The following PRORP variants were observed in gnomAD, a reference collection of about 807,000 sequenced individuals.
PRORP encodes mitochondrial ribonuclease P catalytic subunit.
Under a neutral mutation model 59.4 loss-of-function variants are expected in PRORP, and 51 were observed. The observed-to-expected ratio is 0.86, with a 90% CI of 0.69 to 1.08. The LOEUF (loss-of-function observed/expected upper bound fraction) is 1.08. PRORP is among the 50% of genes least tolerant of loss of function. The probability of loss-of-function intolerance (pLI) is 0.00; values close to 1 mark genes in which losing one functional copy is unlikely to be tolerated. For missense variants in PRORP, 646 were observed against 690.3 expected (o/e 0.94, Z 0.72); for synonymous variants, 231 against 245.6 (o/e 0.94, Z 0.55).
chr14:35,267,704 C>G (rs1266587438), intron 6 of PRORP, among the ~76,000 whole-genome samples: 2 of 152,000 alleles, frequency 1.3e-5, no homozygotes, highest in African/African-American at 2.4e-5. Context: ...TGGCGTGAAC[C>G]CGGGAGGCGG....
chr14:35,134,814 C>T (rs992604817), intron 4 of PRORP, among the ~76,000 whole-genome samples: 1 of 152,190 alleles, frequency 6.6e-6, no homozygotes, highest in South Asian at 2.1e-4. Flanking sequence ...ATGCCCCTAC[C>T]AGTCCACTGG....
chr14:35,185,048 A>T (rs2139057188), intron 5 of PRORP, among the ~76,000 whole-genome samples: 1 of 152,230 alleles, frequency 6.6e-6, no homozygotes, highest in African/African-American at 2.4e-5. Flanking sequence ...CAGTAATGGG[A>T]TTGCTGGGTT....
Position 35,274,178 on chromosome 14 carries a change from T to A in PRORP, c.*612T>A, listed in dbSNP as rs1594368181. On this transcript the variant is annotated 3_prime_UTR_variant, in exon 8 of 8. Coordinates refer to ENST00000534898, the MANE Select transcript of PRORP (RefSeq NM_014672.4). ...TTTTTTTGGAAATAGAGTCTCAACT[T>A]ACTCTGTCGCCAGGGCTGGAGTGCA... 2 of 152,288 alleles carry A rather than the reference T, an allele frequency of 1.3e-5. No homozygotes were observed. Among genetic ancestry groups the A allele is most frequent in the East Asian group, 3.9e-4 (2 of 5,180 alleles). 9.4% of individuals were successfully genotyped at this position (152,288 alleles called of 1,614,324 possible). A position where few individuals can be genotyped will look rare whatever the true frequency, so the allele number is the denominator to read the frequency against.
At chr14:35,214,438 GCTT>G (rs2049533322) in intron 5 of PRORP, among the ~76,000 whole-genome samples, 1 of 152,174 alleles carries the variant, frequency 6.6e-6, no homozygotes, top group Non-Finnish European at 1.5e-5. Flanking sequence ...TGATTTATAT[GCTT>G]ATCTTCTGTT....
chr14:35,205,613 T>C (rs2049273022), intron 5 of PRORP, among the ~76,000 whole-genome samples: 1 of 151,920 alleles, frequency 6.6e-6, no homozygotes, highest in Admixed American at 6.5e-5. Flanking sequence ...TGACCCACCA[T>C]ACCCAGTGAT....
chr14:35,216,576 G>A (rs1468975868), intron 5 of PRORP, among the ~76,000 whole-genome samples: 3 of 151,910 alleles, frequency 2.0e-5, no homozygotes, highest in Admixed American at 2.0e-4. Context: ...CTACTTTTTG[G>A]CTATCATGAA....
chr14:35,261,046 G>A (rs1404452266), intron 5 of PRORP, among the ~76,000 whole-genome samples: 1 of 152,158 alleles, frequency 6.6e-6, no homozygotes, highest in African/African-American at 2.4e-5. Flanking sequence ...ATCTACTGAT[G>A]TTATTTTACC....
chr14:35,243,600 A>G (rs957114923), intron 5 of PRORP, among the ~76,000 whole-genome samples: 3 of 152,126 alleles, frequency 2.0e-5, no homozygotes, highest in Admixed American at 1.3e-4. Flanking sequence ...AGGAGTTAAA[A>G]TTGAGAGTTA....
chr14:35,244,850 G>A (rs1221221515), intron 5 of PRORP, among the ~76,000 whole-genome samples: 1 of 152,112 alleles, frequency 6.6e-6, no homozygotes, highest in Non-Finnish European at 1.5e-5. Flanking sequence ...CCTGACTTCT[G>A]TGTAAATAAT....
At chr14:35,225,567 G>A (rs187121435) in intron 5 of PRORP, among the ~76,000 whole-genome samples, 4 of 152,032 alleles carry the variant, frequency 2.6e-5, no homozygotes, top group South Asian at 4.2e-4. Flanking sequence ...GGCTGGTCTC[G>A]AACTCCTGAG....
At position 35,123,665 on chromosome 14, in the gene PRORP, C is replaced by T. The variant is rs762093457; in HGVS notation, c.420C>T (p.Phe140=). The part of the protein sequence containing the change: ...DLKENTGKTS[F]ESWIISQMAG... Reference sequence around the variant, plus strand: ...AAGAAAACACCGGAAAGACCAGTTTCGAAAGTTGGATCATTTCACAGATGG... The same window carrying T: ...AAGAAAACACCGGAAAGACCAGTTTTGAAAGTTGGATCATTTCACAGATGG... Residue 140 remains phenylalanine, a synonymous_variant, in exon 2 of 8, where the codon TTC becomes TTT. Coordinates refer to ENST00000534898, the MANE Select transcript of PRORP (RefSeq NM_014672.4). 3.1e-6 allele frequency: 5 copies of T among 1,614,054 alleles called. No homozygotes were observed. The highest frequency in any genetic ancestry group is 4.5e-5 in the East Asian group (2 of 44,900).
intron 4 of PRORP, among the ~76,000 whole-genome samples, chr14:35,165,989 G>A (rs1437525443): frequency 6.6e-6 from 1 of 151,884 alleles, no homozygotes; most frequent in African/African-American, 2.4e-5. Context: ...CAAAAAGTAG[G>A]TATTTTTTAA....
rs2050262432 is a variant in PRORP, at chr14:35,237,984, T to TC, written c.1276-28742dup. Among the ~76,000 whole-genome samples the TC allele has an allele frequency of 2.0e-5, 3 of 151,996 alleles. No homozygotes were observed. The South Asian group carries it at 6.2e-4, about 32-fold the overall frequency. On this transcript the variant is annotated intron_variant, in intron 5 of 7. Coordinates refer to ENST00000534898, the MANE Select transcript of PRORP (RefSeq NM_014672.4). ...TTTTTAAATTAGATATAATATCTGT[T>TC]CATTAAGTCAAACAAACAAAACTCT...
intron 5 of PRORP, among the ~76,000 whole-genome samples, chr14:35,210,257 G>A (rs2049404402): frequency 6.6e-6 from 1 of 152,106 alleles, no homozygotes; most frequent in Non-Finnish European, 1.5e-5. Context: ...CCTATAAAGT[G>A]CAAACTCAGT....
At chr14:35,160,303 C>T (rs575458130) in intron 4 of PRORP, among the ~76,000 whole-genome samples, 53 of 152,318 alleles carry the variant, frequency 3.5e-4, no homozygotes, top group African/African-American at 1.3e-3. Flanking sequence ...AAAATCACTT[C>T]CCATTTCCTT....
intron 5 of PRORP, among the ~76,000 whole-genome samples, chr14:35,220,917 G>A (rs2049758796): frequency 6.6e-6 from 1 of 152,114 alleles, no homozygotes; most frequent in Non-Finnish European, 1.5e-5. Context: ...ATAAGTATTT[G>A]GATAATGTTT....
At chr14:35,235,610 G>A (rs1199130697) in intron 5 of PRORP, 3 of 477,706 alleles carry the variant, frequency 6.3e-6, no homozygotes, top group Non-Finnish European at 1.2e-5. Context: ...TTTGCCAGCA[G>A]CTTTCTTCTT....
chr14:35,239,416 C>T (rs2050304259), intron 5 of PRORP, among the ~76,000 whole-genome samples: 1 of 151,894 alleles, frequency 6.6e-6, no homozygotes, highest in East Asian at 1.9e-4. Context: ...ATGTCTGCTT[C>T]CCTAAAAACA....
At chr14:35,167,591 A>T (rs1282726974) in intron 4 of PRORP, among the ~76,000 whole-genome samples, 3 of 152,156 alleles carry the variant, frequency 2.0e-5, no homozygotes, top group Non-Finnish European at 4.4e-5. Flanking sequence ...TCCCCTAGCT[A>T]CATTAAGGCA....
Sources: gnomAD v4.1 joint callset for allele counts (sites outside exome capture counted in the v4.1 genomes callset) on GRCh38, gnomAD v4.1.1 for gene constraint, MANE v1.5 for transcripts, NCBI Gene and HGNC (gene_info 2026-07-23, HGNC 2026-07-21) for gene names.